Variants in AFF2 observed in about 807,000 individuals in gnomAD.
AFF2 encodes the protein AF4/FMR2 family member 2.
A neutral mutation model predicts 76.9 loss-of-function variants in AFF2; 14 were observed. The ratio of observed to expected loss-of-function variants is 0.18; its 90% CI spans 0.12 to 0.28. AFF2 has a LOEUF of 0.28. AFF2 is among the 10% of genes least tolerant of loss of function. The pLI, the probability that AFF2 is intolerant of heterozygous loss-of-function variation, is 1.00. For synonymous variants in AFF2, 398 were observed against 366.7 expected (o/e 1.09, Z -0.98); for missense variants, 868 against 1,001.1 (o/e 0.87, Z 1.79).
At chrX:148,953,489 TCA>T in intron 9 of AFF2, 89 bp from the exon 10 acceptor site, 1 of 1,014,497 alleles carries the variant, frequency 9.9e-7, no homozygotes, top group Non-Finnish European at 1.3e-6. Flanking sequence ...TACCTGCATT[TCA>T]CAGACCACAG....
intron 16 of AFF2, among the ~76,000 whole-genome samples, chrX:148,974,852 A>G (rs2007156054): frequency 8.9e-6 from 1 of 111,836 alleles, no homozygotes; most frequent in African/African-American, 3.3e-5. Flanking sequence ...GCTTTCAAGG[A>G]GAAATTGATT....
intron 9 of AFF2, among the ~76,000 whole-genome samples, chrX:148,939,519 A>G (rs1249910184): frequency 4.5e-5 from 5 of 112,159 alleles, no homozygotes; most frequent in Admixed American, 1.9e-4. Flanking sequence ...CTAGAACCCA[A>G]ATGTGGGTTG....
At chrX:148,768,028 C>T (rs891813608) in intron 3 of AFF2, among the ~76,000 whole-genome samples, 3 of 107,758 alleles carry the variant, frequency 2.8e-5, no homozygotes, top group African/African-American at 6.8e-5. Context: ...TGCCTACTGC[C>T]GCCTTATGCC....
chrX:148,821,785 G>A (rs978184896), intron 4 of AFF2, among the ~76,000 whole-genome samples: 2 of 111,530 alleles, frequency 1.8e-5, no homozygotes, highest in South Asian at 7.5e-4. Context: ...AGAATGTGAG[G>A]TCCATTAGGT....
intron 3 of AFF2, among the ~76,000 whole-genome samples, chrX:148,761,324 T>C (rs1557267242): frequency 9.0e-6 from 1 of 111,263 alleles, no homozygotes; most frequent in Non-Finnish European, 1.9e-5. Context: ...TGTAACATTT[T>C]ACAGATAGAA....
chrX:148,947,798 G>C lies in AFF2; in HGVS notation c.1398-5782G>C, dbSNP rs1218485630. Among the ~76,000 whole-genome samples, 3 of 112,254 alleles carry C rather than the reference G, an allele frequency of 2.7e-5. No individual in the cohort carries two copies. In the Admixed American group the frequency reaches 2.8e-4, roughly 11 times the overall value. ...TTTGCCTGAAGTTCATCTGATTACAGCTTAATGATGAAATCAAATATGAAA... is the reference window on the plus strand; with the variant it reads ...TTTGCCTGAAGTTCATCTGATTACACCTTAATGATGAAATCAAATATGAAA... On this transcript the variant is annotated intron_variant, in intron 9 of 20. Transcript: ENST00000370460.
At chrX:148,534,360 C>A in intron 1 of AFF2, among the ~76,000 whole-genome samples, 1 of 112,611 alleles carries the variant, frequency 8.9e-6, no homozygotes, top group Middle Eastern at 4.6e-3. Context: ...AAATGATACA[C>A]ATAGGTGAAA....
intron 1 of AFF2, among the ~76,000 whole-genome samples, chrX:148,593,053 C>G (rs2053538545): frequency 1.8e-5 from 2 of 111,655 alleles, no homozygotes; most frequent in African/African-American, 6.5e-5. Flanking sequence ...TCTGCTGACC[C>G]TGGAGGGGAG....
intron 1 of AFF2, among the ~76,000 whole-genome samples, chrX:148,603,703 A>G (rs782702886): frequency 5.2e-4 from 57 of 110,153 alleles, no homozygotes; most frequent in Non-Finnish European, 1.0e-3. Context: ...TTCTTTTATT[A>G]TAATTTTAAT....
intron 1 of AFF2, among the ~76,000 whole-genome samples, chrX:148,514,949 G>C (rs1298295267): frequency 8.9e-6 from 1 of 111,777 alleles, no homozygotes; most frequent in African/African-American, 3.3e-5. Flanking sequence ...GCAGTGTTTT[G>C]AAAGGTGAGA....
chrX:148,859,458 A>G (rs1812684967), intron 7 of AFF2, among the ~76,000 whole-genome samples: 1 of 111,031 alleles, frequency 9.0e-6, no homozygotes, highest in South Asian at 3.7e-4. Flanking sequence ...TCTACAATCT[A>G]GGGGAGAGGG....
intron 9 of AFF2, among the ~76,000 whole-genome samples, chrX:148,925,682 C>G (rs1603341373): frequency 8.9e-6 from 1 of 112,304 alleles, no homozygotes; most frequent in African/African-American, 3.2e-5. Context: ...GTTGCTTTAG[C>G]TCTCTTTGTT....
At chrX:148,628,912 A>C (rs2053954112) in intron 1 of AFF2, among the ~76,000 whole-genome samples, 1 of 112,067 alleles carries the variant, frequency 8.9e-6, no homozygotes, top group Non-Finnish European at 1.9e-5. Context: ...GTTGGTTGGC[A>C]TTGCCCATAG....
chrX:148,701,012 A>AATGTGTG (rs782232655), intron 3 of AFF2, among the ~76,000 whole-genome samples: 69 of 73,738 alleles, frequency 9.4e-4, no homozygotes, highest in Middle Eastern at 8.0e-3. Flanking sequence ...GAGAGAGAGA[A>AATGTGTG]TGTGTGTGTG....
At chrX:148,692,351 C>G (rs1212804063) in intron 3 of AFF2, among the ~76,000 whole-genome samples, 1 of 111,797 alleles carries the variant, frequency 8.9e-6, no homozygotes, top group Non-Finnish European at 1.9e-5. Flanking sequence ...AGAATGCAAA[C>G]AAAGCAAAAT....
chrX:148,568,679 A>G (rs782002651), intron 1 of AFF2, among the ~76,000 whole-genome samples: 1 of 112,123 alleles, frequency 8.9e-6, no homozygotes, highest in Non-Finnish European at 1.9e-5. Context: ...GCATGTCAAT[A>G]TATTAGTTAG....
rs186028503 is a variant in AFF2 at position 148,791,658 on chromosome X, G to A, written c.1042-18218G>A. ...TAATCTGTTATGCAAAAAATAGCAC[G>A]AAGTCCTCTTATGGCTGTTTTAATC... is the stretch of plus-strand genomic sequence containing the variant. On this transcript the variant is annotated intron_variant, in intron 3 of 20. Transcript: ENST00000370460. Among the ~76,000 whole-genome samples, 20 of 112,300 alleles carry A rather than the reference G, an allele frequency of 1.8e-4. No individual in the cohort carries two copies. In the East Asian group the frequency reaches 3.9e-3, roughly 22 times the overall value.
At chrX:148,988,788 C>A (rs184992855) in intron 20 of AFF2, among the ~76,000 whole-genome samples, 1 of 112,223 alleles carries the variant, frequency 8.9e-6, no homozygotes, top group East Asian at 2.8e-4. Context: ...TGTATTGGTT[C>A]CACAGGTTTG....
intron 4 of AFF2, among the ~76,000 whole-genome samples, chrX:148,811,647 G>A (rs2070203862): frequency 8.9e-6 from 1 of 112,076 alleles, no homozygotes; most frequent in Admixed American, 9.5e-5. Context: ...AACTCCCAAA[G>A]GAATGCCAGG....
Sources: allele counts gnomAD v4.1 joint callset (sites outside exome capture counted in the v4.1 genomes callset), GRCh38; gene constraint gnomAD v4.1.1; transcripts MANE v1.5; gene names NCBI Gene and HGNC (gene_info 2026-07-23, HGNC 2026-07-21).